EDN1: variants seen among roughly 807,000 people sequenced by gnomAD.
EDN1 encodes endothelin-1.
In EDN1, 11 loss-of-function variants were observed where a neutral mutation model predicts 21.7. The observed-to-expected ratio is 0.51, with a 90% CI of 0.32 to 0.84. EDN1 has a LOEUF of 0.84. Ranked by LOEUF, EDN1 falls within the 40% of genes least tolerant of loss-of-function variation. The pLI is 0.03. For synonymous variants in EDN1, 85 were observed against 90.6 expected (o/e 0.94, Z 0.35); for missense variants, 244 against 262.3 (o/e 0.93, Z 0.48).
At chr6:12,289,262 A>G (rs1486189610), upstream of EDN1, among the ~76,000 whole-genome samples, 1 of 152,126 alleles carries the variant, frequency 6.6e-6, no homozygotes, top group Non-Finnish European at 1.5e-5. Flanking sequence ...TTCCTTGCAT[A>G]TTCACTTAAC....
the EDN1 span, among the ~76,000 whole-genome samples, chr6:12,281,369 G>T: frequency 2.6e-5 from 4 of 152,120 alleles, no homozygotes; most frequent in South Asian, 8.3e-4. Context: ...AAAACTTTGT[G>T]TAGCTCTCTG....
chr6:12,279,915 G>A, the EDN1 span, among the ~76,000 whole-genome samples: 1 of 152,006 alleles, frequency 6.6e-6, no homozygotes, highest in African/African-American at 2.4e-5. Context: ...AAGAAGAATG[G>A]GAAGCTAAAA....
chr6:12,262,078 T>G, the EDN1 span, among the ~76,000 whole-genome samples: 10 of 152,336 alleles, frequency 6.6e-5, no homozygotes, highest in African/African-American at 2.4e-4. Context: ...AACTATTGTT[T>G]CAACTATCTC....
the EDN1 span, among the ~76,000 whole-genome samples, chr6:12,232,779 G>A: frequency 5.9e-5 from 9 of 152,228 alleles, no homozygotes; most frequent in African/African-American, 2.2e-4. Flanking sequence ...TAGCTGTTGT[G>A]ATTCATGCAT....
the EDN1 span, among the ~76,000 whole-genome samples, chr6:12,279,428 G>A: frequency 6.6e-6 from 1 of 152,204 alleles, no homozygotes; most frequent in African/African-American, 2.4e-5. Context: ...GGGAAGATGA[G>A]CTGGGAGCCA....
chr6:12,286,793 A>T (rs1161150062), upstream of EDN1, among the ~76,000 whole-genome samples: 1 of 152,174 alleles, frequency 6.6e-6, no homozygotes, highest in African/African-American at 2.4e-5. Flanking sequence ...TTTATCAAAT[A>T]CTTTCCAGCA....
chr6:12,272,992 A>T, the EDN1 span, among the ~76,000 whole-genome samples: 1 of 152,288 alleles, frequency 6.6e-6, no homozygotes, highest in Admixed American at 6.5e-5. Context: ...TCTAATGGGG[A>T]TCTAGGCAGG....
the EDN1 span, among the ~76,000 whole-genome samples, chr6:12,241,166 C>CTTTTTTTTTTTTTTT: frequency 7.2e-6 from 1 of 138,358 alleles, no homozygotes; most frequent in Non-Finnish European, 1.5e-5. Context: ...TTCTTTCTTT[C>CTTTTTTTTTTTTTTT]TTTTTTTTTT....
the EDN1 span, among the ~76,000 whole-genome samples, chr6:12,273,424 T>TTTAA: frequency 6.6e-6 from 1 of 152,236 alleles, no homozygotes; most frequent in Non-Finnish European, 1.5e-5. Flanking sequence ...ACTTAAAAAT[T>TTTAA]TTAATAAGGC....
chr6:12,290,306 AC>A, upstream of EDN1: 1 of 375,472 alleles, frequency 2.7e-6, no homozygotes. Flanking sequence ...GGAGCTGTTT[AC>A]CCCCACTCTA....
At chr6:12,253,659 G>A in the EDN1 span, among the ~76,000 whole-genome samples, 1 of 152,112 alleles carries the variant, frequency 6.6e-6, no homozygotes, top group Non-Finnish European at 1.5e-5. Context: ...AAGTCAAAGG[G>A]AACAGCATTA....
At chr6:12,285,295 G>A in the EDN1 span, among the ~76,000 whole-genome samples, 2 of 152,144 alleles carry the variant, frequency 1.3e-5, no homozygotes, top group Non-Finnish European at 2.9e-5. Flanking sequence ...AAGCCAAGGG[G>A]AGGTATCCGT....
chr6:12,260,011 CA>C, the EDN1 span, among the ~76,000 whole-genome samples: 1 of 151,518 alleles, frequency 6.6e-6, no homozygotes, highest in African/African-American at 2.4e-5. Flanking sequence ...AATTTCTCTA[CA>C]AAAAAAGGTA....
upstream of EDN1, among the ~76,000 whole-genome samples, chr6:12,287,708 TCTCTCACACACACACACACA>T (rs1233191047): frequency 1.3e-5 from 1 of 76,148 alleles, no homozygotes; most frequent in Non-Finnish European, 2.9e-5. Flanking sequence ...TCTCTCTCTC[TCTCTCACACACACACACACA>T]CACACACACA....
At chr6:12,231,428 A>T in the EDN1 span, among the ~76,000 whole-genome samples, 3 of 152,258 alleles carry the variant, frequency 2.0e-5, no homozygotes, top group African/African-American at 7.2e-5. Flanking sequence ...AGTGAAATCC[A>T]TTCAAGACAC....
the EDN1 span, among the ~76,000 whole-genome samples, chr6:12,275,879 C>T: frequency 3.7e-4 from 56 of 151,748 alleles, no homozygotes; most frequent in South Asian, 6.0e-3. Context: ...AAATAAGAAT[C>T]GTGCCGGGCA....
the EDN1 span, among the ~76,000 whole-genome samples, chr6:12,264,953 G>A: frequency 1.3e-5 from 2 of 152,148 alleles, no homozygotes; most frequent in African/African-American, 4.8e-5. Context: ...TCTTTTATGA[G>A]CCATATCCTC....
At chr6:12,268,960 C>T in the EDN1 span, among the ~76,000 whole-genome samples, 6 of 152,056 alleles carry the variant, frequency 3.9e-5, no homozygotes, top group South Asian at 2.1e-4. Flanking sequence ...TTCCAATCCA[C>T]GAACATGAGA....
At chr6:12,256,546 A>C in the EDN1 span, among the ~76,000 whole-genome samples, 2 of 152,180 alleles carry the variant, frequency 1.3e-5, no homozygotes, top group African/African-American at 4.8e-5. Flanking sequence ...GCACAGTCCC[A>C]AGGTGCATCC....
Sources: gnomAD v4.1 joint callset for allele counts (sites outside exome capture counted in the v4.1 genomes callset) on GRCh38, gnomAD v4.1.1 for gene constraint, MANE v1.5 for transcripts, NCBI Gene and HGNC (gene_info 2026-07-23, HGNC 2026-07-21) for gene names.